GTF2A1: variants seen among roughly 807,000 people sequenced by gnomAD.
GTF2A1 encodes general transcription factor IIA subunit 1.
Under a neutral mutation model 54.1 loss-of-function variants are expected in GTF2A1, and 12 were observed. The observed-to-expected ratio is 0.22, with a 90% CI of 0.14 to 0.36. GTF2A1 has a LOEUF of 0.36. Among genes scored for constraint, GTF2A1 ranks in the 10% least tolerant of loss-of-function variants. The probability of loss-of-function intolerance (pLI) is 1.00; values close to 1 mark genes in which losing one functional copy is unlikely to be tolerated. For synonymous variants in GTF2A1, 145 were observed against 152.0 expected, an observed-to-expected ratio of 0.95 and a Z score of 0.34; for missense variants, 335 against 442.2, an observed-to-expected ratio of 0.76 and a Z score of 2.17.
chr14:81,210,335 A>G (rs913045863), intron 2 of GTF2A1, among the ~76,000 whole-genome samples: 2 of 152,170 alleles, frequency 1.3e-5, no homozygotes, highest in African/African-American at 2.4e-5. Flanking sequence ...TTTTCACACA[A>G]TCTTAATTTT....
intron 7 of GTF2A1, among the ~76,000 whole-genome samples, chr14:81,191,480 A>G (rs1595212731): frequency 6.6e-6 from 1 of 152,218 alleles, no homozygotes; most frequent in Non-Finnish European, 1.5e-5. Flanking sequence ...GAAAATAATT[A>G]TAGCTATATG....
intron 2 of GTF2A1, among the ~76,000 whole-genome samples, chr14:81,215,943 C>G (rs117556674): frequency 1.3e-5 from 2 of 152,166 alleles, no homozygotes; most frequent in African/African-American, 4.8e-5. Flanking sequence ...TGGTTTGAGT[C>G]TGGGAGGCAG....
intron 2 of GTF2A1, among the ~76,000 whole-genome samples, chr14:81,211,218 G>A (rs1893356994): frequency 6.6e-6 from 1 of 152,160 alleles, no homozygotes; most frequent in African/African-American, 2.4e-5. Flanking sequence ...GAGAGTGAAT[G>A]TCTCTGCATT....
chr14:81,198,453 G>T (rs1893035907), intron 4 of GTF2A1, among the ~76,000 whole-genome samples: 1 of 152,130 alleles, frequency 6.6e-6, no homozygotes, highest in Non-Finnish European at 1.5e-5. Context: ...TCAACATTTT[G>T]AAATCAAGTT....
chr14:81,206,209 T>G (rs1364382007), intron 2 of GTF2A1, among the ~76,000 whole-genome samples: 1 of 152,180 alleles, frequency 6.6e-6, no homozygotes, highest in Non-Finnish European at 1.5e-5. Flanking sequence ...GGCTAAGTAC[T>G]GGGCACCATG....
rs753020279 is a variant in GTF2A1, at chr14:81,189,407, C to A, written c.933+3112G>T. ...GATCAAGTGGCCAGGCGCGGTGGCT[C>A]ATGCCTATAATCCCAGCACTTTGGG... On this transcript the variant is annotated intron_variant, in intron 7 of 8. Coordinates refer to ENST00000553612, the MANE Select transcript of GTF2A1 (RefSeq NM_015859.4). Among the ~76,000 whole-genome samples, 3 of 152,182 alleles carry A rather than the reference C, an allele frequency of 2.0e-5. No homozygotes were observed. In the East Asian group the frequency reaches 5.8e-4, roughly 29 times the overall value.
chr14:81,201,771 C>T (rs1329375559), intron 3 of GTF2A1, 113 bp from the exon 4 acceptor site: 25 of 700,470 alleles, frequency 3.6e-5, no homozygotes, highest in South Asian at 5.1e-5. Context: ...ATGTTTTCTG[C>T]ACTCAAATGC....
chr14:81,218,361 A>G (rs185447057), intron 1 of GTF2A1, among the ~76,000 whole-genome samples: 1 of 152,318 alleles, frequency 6.6e-6, no homozygotes, highest in East Asian at 1.9e-4. Flanking sequence ...CAACTTGACC[A>G]CTTAACAGCT....
chr14:81,198,461 G>C (rs1304449325), intron 4 of GTF2A1, among the ~76,000 whole-genome samples: 1 of 152,144 alleles, frequency 6.6e-6, no homozygotes, highest in East Asian at 1.9e-4. Context: ...TTGAAATCAA[G>C]TTAGTATGTG....
chr14:81,208,134 A>T lies in GTF2A1; in HGVS notation c.133-4030T>A, dbSNP rs953356143. Among the ~76,000 whole-genome samples the T allele has an allele frequency of 1.1e-4, 16 of 152,320 alleles. No individual in the cohort carries two copies. In the South Asian group the frequency reaches 2.5e-3, roughly 24 times the overall value. Reference sequence around the variant, plus strand: ...AGGCCATATCAGAGACCTTCACTGCAGCCCCTCCCATCAGAAGCCCAGAGA... The same window carrying T: ...AGGCCATATCAGAGACCTTCACTGCTGCCCCTCCCATCAGAAGCCCAGAGA... On this transcript the variant is annotated intron_variant, in intron 2 of 8. Coordinates refer to ENST00000553612, the MANE Select transcript of GTF2A1 (RefSeq NM_015859.4).
At chr14:81,182,160 T>G (rs1892653391) in intron 8 of GTF2A1, among the ~76,000 whole-genome samples, 1 of 143,390 alleles carries the variant, frequency 7.0e-6, no homozygotes, top group African/African-American at 2.6e-5. Flanking sequence ...ACTCTCATGT[T>G]CTTCTTCTGG....
chr14:81,204,410 ACTT>A (rs933987317), intron 2 of GTF2A1: 3 of 423,814 alleles, frequency 7.1e-6, no homozygotes, highest in Non-Finnish European at 1.3e-5. Flanking sequence ...CATACAAGCA[ACTT>A]CTTTAGTAAT....
chr14:81,185,763 C>A, intron 7 of GTF2A1, 143 bp from the exon 8 acceptor site: 2 of 486,588 alleles, frequency 4.1e-6, no homozygotes, highest in Admixed American at 3.8e-5. Context: ...GTCAAATCAG[C>A]TGTTAACAGT....
intron 7 of GTF2A1, among the ~76,000 whole-genome samples, chr14:81,186,760 G>T (rs1892756444): frequency 6.6e-6 from 1 of 152,048 alleles, no homozygotes; most frequent in South Asian, 2.1e-4. Flanking sequence ...ACCAGCCAGG[G>T]AAATACAGTG....
In GTF2A1 at chr14:81,220,737, TAAAAA is replaced by T. The variant is rs879011381; in HGVS notation, c.-224_-220del. The T allele has an allele frequency of 2.0e-5, 4 of 198,592 alleles. No individual in the cohort carries two copies. The highest frequency in any genetic ancestry group is 3.8e-5 in the Non-Finnish European group (4 of 106,150). The allele number at this position is 198,592 out of a possible 1,614,324, so 12.3% of individuals were successfully genotyped here. A position where few individuals can be genotyped will look rare whatever the true frequency, so the allele number is the denominator to read the frequency against. ...CAGCTGAAAACCTCGAGAATCGCCT[TAAAAA>T]AAAAAAAAAAGCCACGACCCTTCAG... On this transcript the variant is annotated 5_prime_UTR_variant, in exon 1 of 9. Transcript: ENST00000553612.
intron 7 of GTF2A1, among the ~76,000 whole-genome samples, chr14:81,187,354 C>CA (rs112765325): frequency 0.17 from 17,501 of 103,496 alleles, 2,431 homozygotes; most frequent in African/African-American, 0.41. Flanking sequence ...AACTCCGTCT[C>CA]AAAAAAAAAA....
chr14:81,185,111 C>T (rs184487916), intron 8 of GTF2A1, among the ~76,000 whole-genome samples: 23 of 150,608 alleles, frequency 1.5e-4, no homozygotes, highest in Admixed American at 4.6e-4. Context: ...TGTTCATTGC[C>T]TTAGTCTTTT....
chr14:81,220,762 C>T lies in GTF2A1; in HGVS notation c.-244G>A, dbSNP rs1365697928. ...TAAAAAAAAAAAAAAAGCCACGACC[C>T]TTCAGGGGTCCGGGGGGCGTTGCCC... On this transcript the variant is annotated 5_prime_UTR_variant, in exon 1 of 9. Transcript: ENST00000553612. 5.2e-5 allele frequency: 20 copies of T among 386,942 alleles called. No individual in the cohort carries two copies. The highest frequency in any genetic ancestry group is 3.6e-4 in the African/African-American group (17 of 47,752). The allele number at this position is 386,942 out of a possible 1,614,324, so 24.0% of individuals were successfully genotyped here.
chr14:81,194,856 A>G (rs1892955263), intron 6 of GTF2A1, among the ~76,000 whole-genome samples: 1 of 152,242 alleles, frequency 6.6e-6, no homozygotes, highest in African/African-American at 2.4e-5. Flanking sequence ...ATTTTTAGAA[A>G]GATAGGCCAG....
Sources: gnomAD v4.1 joint callset for allele counts (sites outside exome capture counted in the v4.1 genomes callset) on GRCh38, gnomAD v4.1.1 for gene constraint, MANE v1.5 for transcripts, NCBI Gene and HGNC (gene_info 2026-07-23, HGNC 2026-07-21) for gene names.